Variants in DACH2 observed in about 807,000 individuals in gnomAD.
DACH2 encodes the protein dachshund family transcription factor 2, also known as dachshund homolog 2.
In DACH2, 17 loss-of-function variants were observed where a neutral mutation model predicts 35.8. The observed-to-expected ratio is 0.48, with a 90% CI of 0.33 to 0.71. The LOEUF (loss-of-function observed/expected upper bound fraction) is 0.71, where lower values mean the gene tolerates loss of function less well. DACH2 is among the 30% of genes least tolerant of loss of function. DACH2 has a pLI of 0.02. For synonymous variants in DACH2, 195 were observed against 177.3 expected (o/e 1.10, Z -0.79); for missense variants, 469 against 472.7 (o/e 0.99, Z 0.07).
chrX:86,508,570 A>G (rs1279143330), intron 2 of DACH2, among the ~76,000 whole-genome samples: 5 of 110,525 alleles, frequency 4.5e-5, no homozygotes, highest in Non-Finnish European at 7.6e-5. Context: ...AAAATAAAAA[A>G]AAAAGATTTA....
chrX:86,500,903 A>G (rs1409551198), intron 2 of DACH2, among the ~76,000 whole-genome samples: 1 of 111,754 alleles, frequency 8.9e-6, no homozygotes, highest in Non-Finnish European at 1.9e-5. Flanking sequence ...ACCAATAAAT[A>G]CCAATGAGGC....
At chrX:86,588,723 C>T (rs1229714440) in intron 3 of DACH2, among the ~76,000 whole-genome samples, 2 of 111,113 alleles carry the variant, frequency 1.8e-5, no homozygotes, top group Admixed American at 9.7e-5. Context: ...GAATCCTAAA[C>T]CTTTCCTGCA....
At position 86,827,767 on chromosome X, in the gene DACH2, C is replaced by T. The variant is rs1000308041; in HGVS notation, c.1751-4339C>T. The T allele has an allele frequency of 3.4e-6, 4 of 1,164,104 alleles. No homozygotes were observed. In the African/African-American group the frequency reaches 5.4e-5, roughly 16 times the overall value. ...GGTCTTATTGTTTTTTCTGTGCAGC[C>T]TGAACACTGATGCCGGAACTCCAAC... On this transcript the variant is annotated intron_variant, in intron 11 of 11. Transcript: ENST00000373125.
Position 86,479,279 on chromosome X carries a change from C to T in DACH2, c.528-35000C>T, listed in dbSNP as rs985082914. On this transcript the variant is annotated intron_variant, in intron 2 of 11. Transcript: ENST00000373125. Reference sequence around the variant, plus strand: ...TAGGATGGGGGGCATGGCGGGCCAGCGTGGTCTTGGAAAATGCAACATTTG... The same window carrying T: ...TAGGATGGGGGGCATGGCGGGCCAGTGTGGTCTTGGAAAATGCAACATTTG... 3.6e-5 allele frequency among the ~76,000 whole-genome samples: 4 copies of T among 110,638 alleles called. No individual in the cohort carries two copies. In the South Asian group the frequency reaches 1.1e-3, roughly 32 times the overall value.
At chrX:86,178,796 A>G (rs2031386370) in intron 1 of DACH2, among the ~76,000 whole-genome samples, 1 of 111,948 alleles carries the variant, frequency 8.9e-6, no homozygotes, top group Non-Finnish European at 1.9e-5. Flanking sequence ...CAATAAGATC[A>G]TAGAACATTA....
chrX:86,357,784 G>T (rs1480676499), intron 1 of DACH2, among the ~76,000 whole-genome samples: 1 of 112,188 alleles, frequency 8.9e-6, no homozygotes, highest in African/African-American at 3.2e-5. Context: ...CAAATGGAGT[G>T]AACTGATGAA....
intron 1 of DACH2, chrX:86,160,652 C>G: frequency 2.0e-6 from 1 of 500,875 alleles, no homozygotes; most frequent in Non-Finnish European, 3.6e-6. Context: ...AGCAATGTTG[C>G]CACAACGAAC....
At chrX:86,556,857 T>C (rs2039138212) in intron 3 of DACH2, among the ~76,000 whole-genome samples, 1 of 98,063 alleles carries the variant, frequency 1.0e-5, no homozygotes, top group Admixed American at 1.2e-4. Flanking sequence ...GGGAATTTGC[T>C]CATGCAGTTA....
At chrX:86,287,388 G>T (rs1333208272) in intron 1 of DACH2, among the ~76,000 whole-genome samples, 1 of 110,962 alleles carries the variant, frequency 9.0e-6, no homozygotes. Context: ...AATCTACTTG[G>T]TATTCTATAA....
intron 1 of DACH2, among the ~76,000 whole-genome samples, chrX:86,200,092 C>T (rs1462361970): frequency 9.0e-6 from 1 of 111,147 alleles, no homozygotes; most frequent in Non-Finnish European, 1.9e-5. Flanking sequence ...GGTATAAGAA[C>T]AGACACATGG....
At chrX:86,755,261 G>A (rs1000935835) in intron 7 of DACH2, among the ~76,000 whole-genome samples, 1 of 111,232 alleles carries the variant, frequency 9.0e-6, no homozygotes, top group East Asian at 2.8e-4. Flanking sequence ...CTTTTAACAT[G>A]ATATTTATTA....
intron 5 of DACH2, among the ~76,000 whole-genome samples, chrX:86,711,577 T>G (rs1295310058): frequency 9.0e-6 from 1 of 111,708 alleles, no homozygotes; most frequent in African/African-American, 3.3e-5. Flanking sequence ...TGAGCCAGGT[T>G]GCGGGTGTGG....
intron 5 of DACH2, among the ~76,000 whole-genome samples, chrX:86,713,129 C>G (rs973781859): frequency 1.8e-5 from 2 of 111,463 alleles, no homozygotes; most frequent in African/African-American, 6.5e-5. Context: ...TTTAGATCAA[C>G]CATTATAATT....
intron 2 of DACH2, among the ~76,000 whole-genome samples, chrX:86,461,592 T>C (rs2037574412): frequency 9.0e-6 from 1 of 111,442 alleles, no homozygotes; most frequent in African/African-American, 3.2e-5. Flanking sequence ...ACACCTTCTT[T>C]ACTTTTATCA....
At chrX:86,744,850 G>T (rs2147265116) in intron 7 of DACH2, among the ~76,000 whole-genome samples, 1 of 111,491 alleles carries the variant, frequency 9.0e-6, no homozygotes, top group East Asian at 2.8e-4. Context: ...ATTGTGTTAT[G>T]TGGTCTTTAA....
chrX:86,224,979 G>A (rs189842569), intron 1 of DACH2, among the ~76,000 whole-genome samples: 3 of 111,683 alleles, frequency 2.7e-5, no homozygotes, highest in Admixed American at 9.5e-5. Context: ...AATGCTGACA[G>A]GAAATGGAAA....
At chrX:86,400,974 G>T (rs745800280) in intron 2 of DACH2, among the ~76,000 whole-genome samples, 92 of 112,596 alleles carry the variant, frequency 8.2e-4, no homozygotes, top group African/African-American at 2.9e-3. Flanking sequence ...CCTGCACCCA[G>T]AGGTGGAGCC....
intron 2 of DACH2, among the ~76,000 whole-genome samples, chrX:86,485,956 G>T (rs1381002157): frequency 8.9e-6 from 1 of 111,932 alleles, no homozygotes; most frequent in African/African-American, 3.2e-5. Flanking sequence ...ACTACCTGCT[G>T]TGTGACCTTG....
At chrX:86,470,257 A>G (rs1468194706) in intron 2 of DACH2, among the ~76,000 whole-genome samples, 1 of 112,049 alleles carries the variant, frequency 8.9e-6, no homozygotes, top group Non-Finnish European at 1.9e-5. Context: ...TTATCAATCT[A>G]TTTAAGCACT....
Sources: allele counts gnomAD v4.1 joint callset (sites outside exome capture counted in the v4.1 genomes callset), GRCh38; gene constraint gnomAD v4.1.1; transcripts MANE v1.5; gene names NCBI Gene and HGNC (gene_info 2026-07-23, HGNC 2026-07-21).